CA8: variants seen among roughly 807,000 people sequenced by gnomAD.
CA8 encodes carbonic anhydrase 8 (inactive), also known as carbonic anhydrase-related protein.
In CA8, 22 loss-of-function variants were observed where a neutral mutation model predicts 41.4. The ratio of observed to expected loss-of-function variants is 0.53; its 90% CI spans 0.38 to 0.76. The LOEUF (loss-of-function observed/expected upper bound fraction) is 0.76, where lower values mean the gene tolerates loss of function less well. Ranked by LOEUF, CA8 falls within the 30% of genes least tolerant of loss-of-function variation. CA8 has a pLI of 0.00. For missense variants in CA8, 270 were observed against 352.8 expected (o/e 0.77, Z 1.88); for synonymous variants, 121 against 130.6 (o/e 0.93, Z 0.50).
rs898489132 is a variant in CA8, at chr8:60,204,601, T to C, written c.*35+4149A>G. 3.9e-5 allele frequency among the ~76,000 whole-genome samples: 6 copies of C among 152,346 alleles called. No individual in the cohort carries two copies. The East Asian group carries it at 1.2e-3, about 29-fold the overall frequency. ...TTTATATCACATAATCAAAACATAA[T>C]AGGTATTCTGAGCATCCTTGGTGTT... On this transcript the variant is annotated intron_variant, in intron 8 of 8. Transcript: ENST00000317995.
chr8:60,269,511 A>G (rs1804001446), intron 2 of CA8, among the ~76,000 whole-genome samples: 1 of 152,194 alleles, frequency 6.6e-6, no homozygotes, highest in African/African-American at 2.4e-5. Flanking sequence ...ACGCTTGGCA[A>G]TTGCATTTAT....
chr8:60,192,656 A>G (rs1296754861), intron 8 of CA8, among the ~76,000 whole-genome samples: 1 of 152,148 alleles, frequency 6.6e-6, no homozygotes. Context: ...TGCATAAATA[A>G]GTGCAACAAA....
chr8:60,252,270 T>C (rs559720251), intron 3 of CA8, among the ~76,000 whole-genome samples: 68 of 152,234 alleles, frequency 4.5e-4, no homozygotes, highest in African/African-American at 1.5e-3. Context: ...CCAAGGAGTG[T>C]AGATATCAAG....
chr8:60,232,622 A>G, intron 3 of CA8: 1 of 537,446 alleles, frequency 1.9e-6, no homozygotes, highest in Non-Finnish European at 3.4e-6. Flanking sequence ...CCTGATGAGG[A>G]GGAAGACAAC....
At chr8:60,223,110 G>A (rs966101731) in intron 6 of CA8, among the ~76,000 whole-genome samples, 1 of 152,126 alleles carries the variant, frequency 6.6e-6, no homozygotes, top group African/African-American at 2.4e-5. Flanking sequence ...TGACGTGCCA[G>A]CAATTTACTT....
At chr8:60,249,934 C>T (rs920243842) in intron 3 of CA8, among the ~76,000 whole-genome samples, 4 of 152,210 alleles carry the variant, frequency 2.6e-5, no homozygotes, top group Non-Finnish European at 5.9e-5. Flanking sequence ...ACAACATATG[C>T]TACTATTTTA....
chr8:60,263,981 C>T (rs1264339011), intron 3 of CA8, among the ~76,000 whole-genome samples: 2 of 152,202 alleles, frequency 1.3e-5, no homozygotes, highest in Non-Finnish European at 2.9e-5. Flanking sequence ...TTATTCACCA[C>T]ATATTTTGGA....
chr8:60,226,753 A>G, intron 5 of CA8, 120 bp downstream of exon 5: 1 of 697,878 alleles, frequency 1.4e-6, no homozygotes, highest in Non-Finnish European at 2.6e-6. Flanking sequence ...AACCATAACC[A>G]CAAGGACAGC....
intron 1 of CA8, 100 bp downstream of exon 1, chr8:60,280,948 G>A: frequency 1.2e-6 from 1 of 841,324 alleles, no homozygotes; most frequent in Admixed American, 1.8e-5. Context: ...GGGCGTGGGG[G>A]TGCTCGGAGC....
At chr8:60,212,836 G>A (rs1806884237) in intron 7 of CA8, among the ~76,000 whole-genome samples, 1 of 152,164 alleles carries the variant, frequency 6.6e-6, no homozygotes, top group Non-Finnish European at 1.5e-5. Context: ...AAAGGACATG[G>A]GAGGAAACTT....
chr8:60,212,154 C>T (rs894046622), intron 7 of CA8, among the ~76,000 whole-genome samples: 15 of 152,276 alleles, frequency 9.9e-5, no homozygotes, highest in South Asian at 2.1e-4. Flanking sequence ...GTTCTTTGAA[C>T]GACAGGTGCA....
At chr8:60,218,300 G>A (rs1048867100) in intron 7 of CA8, among the ~76,000 whole-genome samples, 3 of 150,596 alleles carry the variant, frequency 2.0e-5, no homozygotes, top group African/African-American at 4.9e-5. Flanking sequence ...CACAGCAAAT[G>A]ACTGGGTTTT....
chr8:60,186,598 C>T lies in CA8; in HGVS notation c.*3423G>A, dbSNP rs1805972123. Among the ~76,000 whole-genome samples the T allele has an allele frequency of 6.6e-6, 1 of 151,370 alleles. No homozygotes were observed. The highest frequency in any genetic ancestry group is 2.1e-4 in the South Asian group (1 of 4,796). ...AGTGCAAATGGGTTAAATAATCCAA[C>T]CAAAAGGCAGAGAGACTGTCAGACT... On this transcript the variant is annotated 3_prime_UTR_variant, in exon 9 of 9. Transcript: ENST00000317995.
chr8:60,210,888 A>G (rs1296864636), intron 7 of CA8, among the ~76,000 whole-genome samples: 1 of 152,226 alleles, frequency 6.6e-6, no homozygotes, highest in Non-Finnish European at 1.5e-5. Flanking sequence ...TTGCATCTGA[A>G]AAACTTCTAG....
chr8:60,188,302 T>C lies in CA8; in HGVS notation c.*1719A>G, dbSNP rs1028583447. ...ATTTCAGGGAAAGATGAAAGAAGAT[T>C]GCAAGAAGCATCAGAAGTCTAGTTC... is the stretch of plus-strand genomic sequence containing the variant. On this transcript the variant is annotated 3_prime_UTR_variant, in exon 9 of 9. Transcript: ENST00000317995. 6.6e-6 allele frequency: 1 copy of C among 152,204 alleles called. No individual in the cohort carries two copies. The highest frequency in any genetic ancestry group is 1.5e-5 in the Non-Finnish European group (1 of 68,032). 9.4% of individuals were successfully genotyped at this position (152,204 alleles called of 1,614,324 possible).
chr8:60,226,346 T>C (rs1807437638), intron 5 of CA8, among the ~76,000 whole-genome samples: 1 of 152,112 alleles, frequency 6.6e-6, no homozygotes, highest in Non-Finnish European at 1.5e-5. Context: ...GGCCATCCTG[T>C]ATTTATGGTG....
At chr8:60,230,435 C>T (rs1443391133) in intron 4 of CA8, among the ~76,000 whole-genome samples, 2 of 152,186 alleles carry the variant, frequency 1.3e-5, no homozygotes, top group African/African-American at 4.8e-5. Flanking sequence ...GACATCATCG[C>T]CAGTTATTGC....
chr8:60,251,737 T>G (rs1585906512), intron 3 of CA8, among the ~76,000 whole-genome samples: 1 of 152,142 alleles, frequency 6.6e-6, no homozygotes, highest in Non-Finnish European at 1.5e-5. Context: ...TTTGCCCAAC[T>G]CCCTGCTGCC....
At chr8:60,276,032 A>T (rs1390912935) in intron 2 of CA8, among the ~76,000 whole-genome samples, 1 of 152,198 alleles carries the variant, frequency 6.6e-6, no homozygotes, top group Non-Finnish European at 1.5e-5. Flanking sequence ...ACACTTACAG[A>T]CACATAGGCA....
Sources: gnomAD v4.1 joint callset for allele counts (sites outside exome capture counted in the v4.1 genomes callset) on GRCh38, gnomAD v4.1.1 for gene constraint, MANE v1.5 for transcripts, NCBI Gene and HGNC (gene_info 2026-07-23, HGNC 2026-07-21) for gene names.